The following VIPAS39 variants were observed in gnomAD, a reference collection of about 807,000 sequenced individuals.
VIPAS39 encodes spermatogenesis-defective protein 39 homolog.
In VIPAS39, 63 loss-of-function variants were observed where a neutral mutation model predicts 84.7. The ratio of observed to expected loss-of-function variants is 0.74; its 90% CI spans 0.61 to 0.92. The LOEUF (loss-of-function observed/expected upper bound fraction) is 0.92. Ranked by LOEUF, VIPAS39 falls within the 40% of genes least tolerant of loss-of-function variation. The pLI, the probability that VIPAS39 is intolerant of heterozygous loss-of-function variation, is 0.00. For missense variants in VIPAS39, 499 were observed against 604.5 expected, an observed-to-expected ratio of 0.83 and a Z score of 1.83; for synonymous variants, 192 against 216.5, an observed-to-expected ratio of 0.89 and a Z score of 0.99.
chr14:77,428,551 C>T, intron 18 of VIPAS39, 77 bp from the exon 19 acceptor site: 1 of 1,271,368 alleles, frequency 7.9e-7, no homozygotes, highest in South Asian at 1.2e-5. Flanking sequence ...TGGTCTCAAA[C>T]TCCTGGGCTC....
chr14:77,441,808 C>G (rs760620136), intron 10 of VIPAS39, among the ~76,000 whole-genome samples: 1 of 152,190 alleles, frequency 6.6e-6, no homozygotes, highest in Non-Finnish European at 1.5e-5. Flanking sequence ...TCAGTCTAAA[C>G]AGAGGTTCTA....
chr14:77,444,622 G>A (rs753930042), intron 7 of VIPAS39, among the ~76,000 whole-genome samples: 1 of 152,100 alleles, frequency 6.6e-6, no homozygotes, highest in Non-Finnish European at 1.5e-5. Flanking sequence ...ACCCAGGCTG[G>A]AGTGCAGTGG....
At chr14:77,429,203 T>A (rs1322738616) in intron 17 of VIPAS39, 108 bp from the exon 18 acceptor site, 2 of 930,776 alleles carry the variant, frequency 2.1e-6, no homozygotes, top group Non-Finnish European at 3.4e-6. Flanking sequence ...CAATAGCTAA[T>A]GTTTCCAGTT....
At chr14:77,433,588 G>A (rs2078558200) in intron 16 of VIPAS39, among the ~76,000 whole-genome samples, 1 of 152,112 alleles carries the variant, frequency 6.6e-6, no homozygotes. Flanking sequence ...AAACACATAG[G>A]TATAGAAAAA....
chr14:77,445,291 A>G (rs2078770874), intron 7 of VIPAS39, among the ~76,000 whole-genome samples: 1 of 152,222 alleles, frequency 6.6e-6, no homozygotes, highest in African/African-American at 2.4e-5. Context: ...CATTTTCTTG[A>G]TAACTATAAT....
intron 8 of VIPAS39, among the ~76,000 whole-genome samples, chr14:77,444,041 CAA>C (rs35983631): frequency 5.5e-5 from 7 of 127,800 alleles, no homozygotes; most frequent in Admixed American, 8.1e-5. Context: ...ACCCTGTCTC[CAA>C]AAAAAAAAAA....
intron 7 of VIPAS39, among the ~76,000 whole-genome samples, chr14:77,445,894 C>T (rs8016576): frequency 0.44 from 66,448 of 149,494 alleles, 16,884 homozygotes; most frequent in East Asian, 0.93. Flanking sequence ...GAGCTGAGAT[C>T]GCACCACTGC....
intron 12 of VIPAS39, among the ~76,000 whole-genome samples, chr14:77,437,598 C>CT (rs772772651): frequency 3.0e-4 from 45 of 151,422 alleles, no homozygotes; most frequent in Non-Finnish European, 3.7e-4. Flanking sequence ...CTACATTTGT[C>CT]TTTTTTTTTC....
intron 14 of VIPAS39, chr14:77,435,055 T>G: frequency 1.5e-6 from 1 of 679,972 alleles, no homozygotes; most frequent in Non-Finnish European, 2.5e-6. Flanking sequence ...GCCAGCTCAC[T>G]TGAAGCTACA....
rs2078835483 is a variant in VIPAS39 at position 77,448,647 on chromosome 14, G to A, written c.448-97C>T. On this transcript the variant is annotated intron_variant, in intron 6 of 19. Coordinates refer to ENST00000557658, the MANE Select transcript of VIPAS39 (RefSeq NM_001193315.2). The stretch of plus-strand genomic sequence containing the variant: ...TCAAACTCAGTCTTAGTGTCTAAGG[G>A]GGAAATAATTTGTGGGAGGGAATGG... The A allele has an allele frequency of 8.4e-6, 11 of 1,304,894 alleles. No homozygotes were observed. In the South Asian group the frequency reaches 1.1e-4, roughly 13 times the overall value. 80.8% of individuals were successfully genotyped at this position (1,304,894 alleles called of 1,614,324 possible).
intron 13 of VIPAS39, 41 bp from the exon 14 acceptor site, chr14:77,435,434 G>A: frequency 2.6e-6 from 3 of 1,155,972 alleles, no homozygotes; most frequent in Non-Finnish European, 1.2e-6. Context: ...AAAAAACAAT[G>A]TCCATGGAGT....
intron 11 of VIPAS39, 66 bp downstream of exon 11, chr14:77,441,000 G>A: frequency 6.3e-7 from 1 of 1,597,190 alleles, no homozygotes; most frequent in Admixed American, 1.7e-5. Context: ...TTACAGGCGT[G>A]AGCCACTGTG....
chr14:77,444,545 T>C (rs1436047174), intron 7 of VIPAS39, among the ~76,000 whole-genome samples: 1 of 152,224 alleles, frequency 6.6e-6, no homozygotes, highest in Non-Finnish European at 1.5e-5. Flanking sequence ...AAGATGCTAA[T>C]GTCCTGAAGT....
intron 4 of VIPAS39, 60 bp downstream of exon 4, chr14:77,451,127 C>A (rs1357157909): frequency 6.2e-7 from 1 of 1,610,026 alleles, no homozygotes; most frequent in Non-Finnish European, 8.5e-7. Context: ...AAAATTATGG[C>A]CTAAGATTTT....
chr14:77,430,359 C>T (rs75663022), intron 16 of VIPAS39, among the ~76,000 whole-genome samples: 4,603 of 152,094 alleles, frequency 0.03, 228 homozygotes, highest in African/African-American at 0.1. Flanking sequence ...ATATTTAAAA[C>T]GTAAACTAAT....
chr14:77,432,322 G>A (rs1444086903), intron 16 of VIPAS39, among the ~76,000 whole-genome samples: 1 of 152,028 alleles, frequency 6.6e-6, no homozygotes, highest in East Asian at 1.9e-4. Flanking sequence ...TTGTCGGTGG[G>A]AATGTAAATT....
intron 3 of VIPAS39, among the ~76,000 whole-genome samples, chr14:77,452,500 A>C (rs2078897679): frequency 6.6e-6 from 1 of 151,792 alleles, no homozygotes; most frequent in African/African-American, 2.4e-5. Flanking sequence ...TCAGATGGGG[A>C]CCAGGGATGG....
chr14:77,437,936 T>C (rs377702356), intron 11 of VIPAS39, 55 bp from the exon 12 acceptor site: 14 of 1,546,666 alleles, frequency 9.1e-6, no homozygotes, highest in African/African-American at 5.4e-5. Context: ...ATGAGGGAGA[T>C]AGCTGATTAA....
At chr14:77,433,810 A>C (rs2078561910) in intron 16 of VIPAS39, 32 bp downstream of exon 16, 1 of 1,603,354 alleles carries the variant, frequency 6.2e-7, no homozygotes, top group South Asian at 1.1e-5. Context: ...CTGTCTCCCA[A>C]GGCCTCAGCA....
Sources: allele counts gnomAD v4.1 joint callset (sites outside exome capture counted in the v4.1 genomes callset), GRCh38; gene constraint gnomAD v4.1.1; transcripts MANE v1.5; gene names NCBI Gene and HGNC (gene_info 2026-07-23, HGNC 2026-07-21).